TMEM132D: variants seen among roughly 807,000 people sequenced by gnomAD.
TMEM132D encodes transmembrane protein 132D.
Under a neutral mutation model 62.3 loss-of-function variants are expected in TMEM132D, and 21 were observed. The ratio of observed to expected loss-of-function variants is 0.34; its 90% confidence interval spans 0.24 to 0.49. TMEM132D has a LOEUF of 0.49. TMEM132D is among the 20% of genes least tolerant of loss of function. TMEM132D has a pLI of 0.99. For missense variants in TMEM132D, 1,346 were observed against 1,402.8 expected, an observed-to-expected ratio of 0.96 and a Z score of 0.65; for synonymous variants, 621 against 575.6, an observed-to-expected ratio of 1.08 and a Z score of -1.13.
At chr12:129,293,950 C>A (rs1049894601) in intron 4 of TMEM132D, among the ~76,000 whole-genome samples, 1 of 152,040 alleles carries the variant, frequency 6.6e-6, no homozygotes, top group East Asian at 1.9e-4. Context: ...ATAAACACAA[C>A]CAAAAATGAA....
At chr12:129,661,939 GTAAT>G (rs1392882788) in intron 2 of TMEM132D, among the ~76,000 whole-genome samples, 1 of 152,106 alleles carries the variant, frequency 6.6e-6, no homozygotes, top group Non-Finnish European at 1.5e-5. Context: ...AAGAGTAAAT[GTAAT>G]TAATATTTAA....
chr12:129,167,780 G>C (rs12581661), intron 5 of TMEM132D, among the ~76,000 whole-genome samples: 64,351 of 151,414 alleles, frequency 0.42, 16,130 homozygotes, highest in African/African-American at 0.69. Flanking sequence ...CAATTGGGAG[G>C]CCCCCACAAC....
chr12:129,294,756 A>AC (rs1357842684), intron 4 of TMEM132D, among the ~76,000 whole-genome samples: 9 of 151,622 alleles, frequency 5.9e-5, no homozygotes, highest in African/African-American at 2.2e-4. Context: ...TGCTCCCATC[A>AC]CCCCCCTGCA....
At chr12:129,418,058 G>A (rs765695655) in intron 3 of TMEM132D, among the ~76,000 whole-genome samples, 1 of 152,214 alleles carries the variant, frequency 6.6e-6, no homozygotes, top group Non-Finnish European at 1.5e-5. Flanking sequence ...AACAGATGCT[G>A]GAGAGGATGT....
intron 1 of TMEM132D, among the ~76,000 whole-genome samples, chr12:129,729,103 A>T (rs1869133482): frequency 6.6e-6 from 1 of 152,310 alleles, no homozygotes; most frequent in South Asian, 2.1e-4. Flanking sequence ...ATATTGCAAA[A>T]ATCAACAGAA....
chr12:129,628,187 C>T (rs265612), intron 2 of TMEM132D, among the ~76,000 whole-genome samples: 47,572 of 152,088 alleles, frequency 0.31, 7,480 homozygotes, highest in Middle Eastern at 0.35. Context: ...ACAAGAATAT[C>T]ACATGTGTTC....
In TMEM132D at chr12:129,411,025, G is replaced by A. The variant is rs12305396; in HGVS notation, c.1116-73208C>T. On this transcript the variant is annotated intron_variant, in intron 3 of 8. Transcript: ENST00000422113. ...TTTTTATCATTTTAAGTGGGGTCTT[G>A]TTAACTGTTTTGTTGTTGTTTATAA... is the stretch of plus-strand genomic sequence containing the variant. 3.6e-3 allele frequency among the ~76,000 whole-genome samples: 544 copies of A among 152,138 alleles called. 4 individuals are homozygous for A. The highest frequency in any genetic ancestry group is 0.011 in the African/African-American group (473 of 41,520).
intron 4 of TMEM132D, among the ~76,000 whole-genome samples, chr12:129,300,671 C>T (rs986636624): frequency 6.6e-6 from 1 of 152,306 alleles, no homozygotes; most frequent in East Asian, 1.9e-4. Context: ...CAAAGAGATA[C>T]TGGCATTTTG....
intron 2 of TMEM132D, among the ~76,000 whole-genome samples, chr12:129,563,007 G>GA (rs1375049332): frequency 6.6e-6 from 1 of 152,158 alleles, no homozygotes; most frequent in Non-Finnish European, 1.5e-5. Context: ...TTTATCACAG[G>GA]AAACAGCAAG....
intron 2 of TMEM132D, among the ~76,000 whole-genome samples, chr12:129,653,186 T>C (rs1348854517): frequency 6.6e-6 from 1 of 152,082 alleles, no homozygotes; most frequent in East Asian, 1.9e-4. Flanking sequence ...ATTGGGTGAT[T>C]TGATAACCAG....
intron 1 of TMEM132D, among the ~76,000 whole-genome samples, chr12:129,870,158 T>A (rs867366062): frequency 2.6e-5 from 4 of 152,112 alleles, no homozygotes; most frequent in Non-Finnish European, 4.4e-5. Context: ...AATTTTTGTA[T>A]TTTTTGTAGA....
At chr12:129,279,353 G>C (rs1405331869) in intron 4 of TMEM132D, among the ~76,000 whole-genome samples, 1 of 152,124 alleles carries the variant, frequency 6.6e-6, no homozygotes, top group Non-Finnish European at 1.5e-5. Context: ...AAATTCTGTG[G>C]CAAAGGATTC....
chr12:129,137,106 CCACCACCATCAT>C (rs1876597758), intron 5 of TMEM132D, among the ~76,000 whole-genome samples: 13 of 145,582 alleles, frequency 8.9e-5, no homozygotes, highest in Middle Eastern at 3.6e-3. Context: ...ACCACCATCA[CCACCACCATCAT>C]CACCATCATC....
At chr12:129,289,566 A>AAAAAAAAAAAAG (rs1566023043) in intron 4 of TMEM132D, among the ~76,000 whole-genome samples, 1 of 144,728 alleles carries the variant, frequency 6.9e-6, no homozygotes, top group South Asian at 2.2e-4. Context: ...AAAAAAAAAG[A>AAAAAAAAAAAAG]AAAAAAAGAA....
intron 1 of TMEM132D, among the ~76,000 whole-genome samples, chr12:129,742,358 G>A (rs147880476): frequency 2.4e-3 from 367 of 152,276 alleles, no homozygotes; most frequent in South Asian, 0.019. Flanking sequence ...GAGCCAACAT[G>A]TCACATGGTG....
intron 3 of TMEM132D, among the ~76,000 whole-genome samples, chr12:129,484,703 C>T (rs1874532026): frequency 6.6e-6 from 1 of 152,160 alleles, no homozygotes; most frequent in African/African-American, 2.4e-5. Context: ...GCAGTTTAGC[C>T]TTCTCAGCTC....
chr12:129,230,377 T>C (rs1879605605), intron 4 of TMEM132D, among the ~76,000 whole-genome samples: 1 of 152,232 alleles, frequency 6.6e-6, no homozygotes, highest in South Asian at 2.1e-4. Context: ...TGTGATTCTA[T>C]GATTCATGTC....
At chr12:129,345,028 C>T (rs999907851) in intron 3 of TMEM132D, among the ~76,000 whole-genome samples, 1 of 152,050 alleles carries the variant, frequency 6.6e-6, no homozygotes, top group Non-Finnish European at 1.5e-5. Flanking sequence ...TGTTTCATTT[C>T]GCACACTGAA....
chr12:129,221,188 T>C (rs978140978), intron 4 of TMEM132D, among the ~76,000 whole-genome samples: 1 of 152,184 alleles, frequency 6.6e-6, no homozygotes, highest in African/African-American at 2.4e-5. Flanking sequence ...CTATTCTTTC[T>C]CCTCACCTGA....
Sources: allele counts gnomAD v4.1 joint callset (sites outside exome capture counted in the v4.1 genomes callset), GRCh38; gene constraint gnomAD v4.1.1; transcripts MANE v1.5; gene names NCBI Gene and HGNC (gene_info 2026-07-23, HGNC 2026-07-21).